SMC1A: variants seen among roughly 807,000 people sequenced by gnomAD.
SMC1A encodes structural maintenance of chromosomes protein 1A.
In SMC1A, 4 loss-of-function variants were observed where a neutral mutation model predicts 94.5. The ratio of observed to expected loss-of-function variants is 0.04; its 90% CI spans 0.02 to 0.10. The LOEUF is 0.10. SMC1A is among the 10% of genes least tolerant of loss of function. The pLI, the probability that SMC1A is intolerant of heterozygous loss-of-function variation, is 1.00. For synonymous variants in SMC1A, 345 were observed against 347.7 expected, an observed-to-expected ratio of 0.99 and a Z score of 0.09; for missense variants, 304 against 989.0, an observed-to-expected ratio of 0.31 and a Z score of 9.29.
chrX:53,406,364 G>A (rs1569357271), intron 9 of SMC1A, among the ~76,000 whole-genome samples: 1 of 111,620 alleles, frequency 9.0e-6, no homozygotes, highest in South Asian at 3.8e-4. Flanking sequence ...CAATCCTAAC[G>A]TCCCTTTGAA....
intron 7 of SMC1A, 82 bp downstream of exon 7, chrX:53,411,679 G>T: frequency 9.1e-7 from 1 of 1,100,358 alleles, no homozygotes. Context: ...TCAGATTTTG[G>T]ATTATTTTGG....
Position 53,403,903 on chromosome X carries a change from A to G in SMC1A, c.2197-10T>C. On this transcript the variant is annotated splice_polypyrimidine_tract_variant and intron_variant, in intron 13 of 24. Transcript: ENST00000322213. ...CCAGCTTGGATTTTTCCTACAGGCA[A>G]TGGGTTGAGAGGACAAAGCAGACCA... The G allele has an allele frequency of 8.8e-7, 1 of 1,139,657 alleles. No homozygotes were observed. Among genetic ancestry groups the G allele is most frequent in the East Asian group, 3.0e-5 (1 of 33,570 alleles). The allele number at this position is 1,139,657 out of a possible 1,213,427, so 93.9% of individuals were successfully genotyped here.
chrX:53,394,923 T>C, intron 18 of SMC1A, 35 bp from the exon 19 acceptor site: 2 of 890,780 alleles, frequency 2.2e-6, no homozygotes, highest in Non-Finnish European at 3.3e-6. Flanking sequence ...TGGAGCAGAC[T>C]GGCCATGAGA....
intron 21 of SMC1A, 55 bp from the exon 22 acceptor site, chrX:53,382,438 A>G (rs2075587267): frequency 4.2e-6 from 5 of 1,195,140 alleles, no homozygotes; most frequent in Non-Finnish European, 5.6e-6. Context: ...GGAGATAGGG[A>G]CAGGAAGCCT....
intron 9 of SMC1A, among the ~76,000 whole-genome samples, chrX:53,407,300 T>C (rs2075694882): frequency 9.0e-6 from 1 of 111,408 alleles, no homozygotes; most frequent in South Asian, 3.8e-4. Flanking sequence ...GGGCTGAAGG[T>C]TGAACTGATC....
intron 7 of SMC1A, among the ~76,000 whole-genome samples, 166 bp downstream of exon 7, chrX:53,411,595 C>CA (rs1162187064): frequency 6.4e-5 from 7 of 109,433 alleles, no homozygotes; most frequent in East Asian, 2.8e-4. Flanking sequence ...CTCAAAAAAA[C>CA]AAAAAAACAA....
At chrX:53,395,645 T>C (rs1168860212) in intron 18 of SMC1A, among the ~76,000 whole-genome samples, 1 of 112,177 alleles carries the variant, frequency 8.9e-6, no homozygotes, top group Non-Finnish European at 1.9e-5. Flanking sequence ...GATATTAATA[T>C]ATGCAAACCT....
chrX:53,385,221 C>A (rs970742871), intron 19 of SMC1A, among the ~76,000 whole-genome samples: 1 of 104,283 alleles, frequency 9.6e-6, no homozygotes, highest in Non-Finnish European at 2.0e-5. Flanking sequence ...TTATGAAGAT[C>A]TCTATACACT....
chrX:53,394,969 A>G (rs2075645706), intron 18 of SMC1A, 81 bp from the exon 19 acceptor site: 1 of 588,513 alleles, frequency 1.7e-6, no homozygotes, highest in East Asian at 3.3e-5. Context: ...GCAGCCTTCA[A>G]TCTTTGAGAA....
intron 19 of SMC1A, among the ~76,000 whole-genome samples, chrX:53,383,780 T>C (rs986109775): frequency 1.8e-5 from 2 of 112,647 alleles, no homozygotes; most frequent in Non-Finnish European, 1.9e-5. Context: ...TCAATAAATA[T>C]TTATTGAATG....
At chrX:53,396,058 C>T (rs2075649815) in intron 18 of SMC1A, among the ~76,000 whole-genome samples, 169 bp downstream of exon 18, 1 of 111,352 alleles carries the variant, frequency 9.0e-6, no homozygotes, top group South Asian at 3.8e-4. Context: ...TTCGCCTCAC[C>T]TGCCTTCACC....
intron 18 of SMC1A, among the ~76,000 whole-genome samples, 167 bp downstream of exon 18, chrX:53,396,060 G>GC (rs1466097851): frequency 1.8e-5 from 2 of 110,819 alleles, no homozygotes; most frequent in Admixed American, 9.7e-5. Flanking sequence ...CGCCTCACCT[G>GC]CCTTCACCAC....
chrX:53,405,982 G>A, intron 9 of SMC1A, 26 bp from the exon 10 acceptor site: 1 of 1,186,461 alleles, frequency 8.4e-7, no homozygotes, highest in African/African-American at 1.7e-5. Flanking sequence ...AGGGAAAACT[G>A]AAGTATGAAG....
intron 19 of SMC1A, among the ~76,000 whole-genome samples, chrX:53,384,874 G>A (rs2075598506): frequency 9.0e-6 from 1 of 110,615 alleles, no homozygotes; most frequent in Non-Finnish European, 1.9e-5. Flanking sequence ...AGGCACAGGA[G>A]ATCGAGGCTG....
At chrX:53,407,808 G>A (rs1556889966) in intron 9 of SMC1A, among the ~76,000 whole-genome samples, 1 of 111,426 alleles carries the variant, frequency 9.0e-6, no homozygotes, top group African/African-American at 3.3e-5. Context: ...TGCTGGTTGT[G>A]AGAGTAGAAA....
chrX:53,412,624 T>C (rs1349961206), intron 5 of SMC1A, among the ~76,000 whole-genome samples: 7 of 112,076 alleles, frequency 6.2e-5, no homozygotes, highest in Non-Finnish European at 9.4e-5. Context: ...AGCCACTCCA[T>C]TGGCTCGGCC....
At chrX:53,422,261 A>T (rs782150926) in intron 1 of SMC1A, among the ~76,000 whole-genome samples, 1 of 112,119 alleles carries the variant, frequency 8.9e-6, no homozygotes, top group African/African-American at 3.2e-5. Context: ...GGCCTGTACC[A>T]CTGGGCCGGG....
intron 19 of SMC1A, among the ~76,000 whole-genome samples, chrX:53,389,784 A>G (rs183611795): frequency 9.3e-6 from 1 of 107,224 alleles, no homozygotes; most frequent in Admixed American, 1.0e-4. Context: ...AAGAATTCCT[A>G]TCTCTTTCAG....
At chrX:53,399,815 G>A in intron 15 of SMC1A, 85 bp from the exon 16 acceptor site, 1 of 984,376 alleles carries the variant, frequency 1.0e-6, no homozygotes, top group Non-Finnish European at 1.4e-6. Flanking sequence ...TGGGAAGAAA[G>A]GGAAACTAGA....
Sources: gnomAD v4.1 joint callset for allele counts (sites outside exome capture counted in the v4.1 genomes callset) on GRCh38, gnomAD v4.1.1 for gene constraint, MANE v1.5 for transcripts, NCBI Gene and HGNC (gene_info 2026-07-23, HGNC 2026-07-21) for gene names.